Variants in TUT7 observed in about 807,000 individuals in gnomAD.
TUT7 encodes terminal uridylyl transferase 7.
In TUT7, 33 loss-of-function variants were observed where a neutral mutation model predicts 165.9. The observed-to-expected ratio is 0.20, with a 90% CI of 0.15 to 0.27. The LOEUF is 0.27. TUT7 is among the 10% of genes least tolerant of loss of function. The probability of loss-of-function intolerance (pLI) is 1.00; values close to 1 mark genes in which losing one functional copy is unlikely to be tolerated. For missense variants in TUT7, 1,338 were observed against 1,762.3 expected, an observed-to-expected ratio of 0.76 and a Z score of 4.31; for synonymous variants, 552 against 608.1, an observed-to-expected ratio of 0.91 and a Z score of 1.36.
chr9:86,312,551 G>A (rs1460130733), intron 17 of TUT7, among the ~76,000 whole-genome samples: 7 of 150,016 alleles, frequency 4.7e-5, no homozygotes, highest in Non-Finnish European at 3.0e-5. Context: ...GCCTCTGCCC[G>A]GCCGCCCCTA....
chr9:86,308,372 G>T, intron 22 of TUT7, 57 bp downstream of exon 22: 1 of 1,467,174 alleles, frequency 6.8e-7, no homozygotes. Context: ...GAAGAACAAT[G>T]TCCTTATAGT....
chr9:86,340,747 T>C (rs533938766), intron 7 of TUT7, among the ~76,000 whole-genome samples: 62 of 152,330 alleles, frequency 4.1e-4, no homozygotes, highest in Admixed American at 6.5e-4. Flanking sequence ...CATTTCTTAG[T>C]CACATCTAGG....
In TUT7 at chr9:86,353,234, A is replaced by G; in HGVS notation, c.-31-4T>C. On this transcript the variant is annotated splice_region_variant and splice_polypyrimidine_tract_variant and intron_variant, in intron 1 of 26. Transcript: ENST00000375963. Reference sequence around the variant, plus strand: ...CTTCAATTTTCTTACTTTGCACCTGAAAGAAGGTATTTTGGGGAAATATCA... The same window carrying G: ...CTTCAATTTTCTTACTTTGCACCTGGAAGAAGGTATTTTGGGGAAATATCA... 6.5e-7 allele frequency: 1 copy of G among 1,526,778 alleles called. No individual in the cohort carries two copies. The highest frequency in any genetic ancestry group is 1.3e-5 in the South Asian group (1 of 75,518). The allele number at this position is 1,526,778 out of a possible 1,614,324, so 94.6% of individuals were successfully genotyped here. A position where few individuals can be genotyped will look rare whatever the true frequency, so the allele number is the denominator to read the frequency against.
chr9:86,338,005 TAAC>T (rs564139051), intron 9 of TUT7, among the ~76,000 whole-genome samples: 72 of 152,108 alleles, frequency 4.7e-4, no homozygotes, highest in Non-Finnish European at 9.7e-4. Flanking sequence ...CTAATGGAAA[TAAC>T]AACTAAAAGG....
chr9:86,315,654 A>C (rs890038456), intron 17 of TUT7, among the ~76,000 whole-genome samples: 1 of 152,236 alleles, frequency 6.6e-6, no homozygotes, highest in Non-Finnish European at 1.5e-5. Context: ...AAACAAAACA[A>C]AACAAAACAA....
At chr9:86,296,561 G>A (rs1826339554) in intron 26 of TUT7, among the ~76,000 whole-genome samples, 1 of 152,210 alleles carries the variant, frequency 6.6e-6, no homozygotes, top group African/African-American at 2.4e-5. Context: ...GTAGGTATCA[G>A]GAGAGGAAAG....
rs1296783181 is a variant in TUT7, at chr9:86,325,340, T to C, written c.1783A>G (p.Ile595Val). 6.2e-7 allele frequency: 1 copy of C among 1,613,702 alleles called. No homozygotes were observed. Among genetic ancestry groups the C allele is most frequent in the African/African-American group, 1.3e-5 (1 of 74,924 alleles). ...GATAAACATTTTGAGATACCTTCAATGGCAATGCGCTTTTTGGGCCAATCC... is the reference window on the plus strand; with the variant it reads ...GATAAACATTTTGAGATACCTTCAACGGCAATGCGCTTTTTGGGCCAATCC... ...LKDWPKKRIA[I>V]EDPYSVKRNV... Residue 595 changes from isoleucine (I) to valine (V), a missense_variant, in exon 12 of 27, where the codon ATT (isoleucine) becomes GTT (valine). Physicochemically the swap from Ile to Val is conservative, Grantham distance 29. Around this residue, in one of 7 missense-constraint regions of TUT7, gnomAD observed 28 missense variants for 69.4 expected, o/e 0.40. Coordinates refer to ENST00000375963, the MANE Select transcript of TUT7 (RefSeq NM_024617.4).
chr9:86,307,104 C>T (rs2131336180), intron 22 of TUT7, among the ~76,000 whole-genome samples: 1 of 152,150 alleles, frequency 6.6e-6, no homozygotes. Flanking sequence ...AACCCCGTCT[C>T]TACTAAAAAT....
At chr9:86,344,874 T>C (rs200916457) in intron 5 of TUT7, 103 bp downstream of exon 5, 12 of 1,149,030 alleles carry the variant, frequency 1.0e-5, no homozygotes, top group East Asian at 5.3e-5. Context: ...AAGAGCTTCA[T>C]GACATGGTAA....
At chr9:86,344,779 C>T (rs1831611865) in intron 5 of TUT7, 198 bp downstream of exon 5, 4 of 528,646 alleles carry the variant, frequency 7.6e-6, no homozygotes, top group Non-Finnish European at 9.8e-6. Context: ...ATAATGGAAA[C>T]AGGTTTATAA....
intron 10 of TUT7, among the ~76,000 whole-genome samples, chr9:86,335,282 A>G (rs1445495763): frequency 6.6e-6 from 1 of 152,210 alleles, no homozygotes; most frequent in South Asian, 2.1e-4. Flanking sequence ...TTTTTCTACT[A>G]TATTACCTGG....
In TUT7 at chr9:86,349,088, G is replaced by A. The variant is rs376947896; in HGVS notation, c.521-2608C>T. Among the ~76,000 whole-genome samples the A allele has an allele frequency of 2.8e-4, 42 of 152,164 alleles. No individual in the cohort carries two copies. The East Asian group carries it at 6.8e-3, about 25-fold the overall frequency. On this transcript the variant is annotated intron_variant, in intron 2 of 26. Coordinates refer to ENST00000375963, the MANE Select transcript of TUT7 (RefSeq NM_024617.4). The stretch of plus-strand genomic sequence containing the variant: ...GAGGTCGGGAGTTCGAGACCATCCT[G>A]GCCAACATGGTGAAACCCTGTCTCT...
intron 10 of TUT7, 107 bp downstream of exon 10, chr9:86,337,312 C>T (rs927709649): frequency 8.4e-7 from 1 of 1,193,760 alleles, no homozygotes; most frequent in Non-Finnish European, 1.2e-6. Flanking sequence ...ATAAATAAAT[C>T]CATGTCAGTT....
At chr9:86,335,895 T>C (rs1040708785) in intron 10 of TUT7, among the ~76,000 whole-genome samples, 2 of 152,154 alleles carry the variant, frequency 1.3e-5, no homozygotes, top group Non-Finnish European at 2.9e-5. Context: ...TGAACAAACA[T>C]GATCCAATCA....
intron 5 of TUT7, among the ~76,000 whole-genome samples, chr9:86,343,650 A>G (rs927652022): frequency 6.6e-6 from 1 of 152,174 alleles, no homozygotes; most frequent in African/African-American, 2.4e-5. Flanking sequence ...AAACAATAAT[A>G]AAAATAATCT....
intron 13 of TUT7, 149 bp from the exon 14 acceptor site, chr9:86,322,624 G>T: frequency 9.4e-7 from 1 of 1,062,110 alleles, no homozygotes; most frequent in Non-Finnish European, 1.3e-6. Flanking sequence ...TGATCTGAGA[G>T]ATGGGGACAT....
rs1831897058 is a variant in TUT7 at position 86,347,710 on chromosome 9, T to TC, written c.521-1231_521-1230insG. Among the ~76,000 whole-genome samples, 3 of 152,150 alleles carry TC rather than the reference T, an allele frequency of 2.0e-5. No homozygotes were observed. In the East Asian group the frequency reaches 5.8e-4, roughly 29 times the overall value. ...AAATTAAAGTGTTGGAAAAGTAGTT[T>TC]TAAAAAATCAATCAAAATACACTGA... On this transcript the variant is annotated intron_variant, in intron 2 of 26. Coordinates refer to ENST00000375963, the MANE Select transcript of TUT7 (RefSeq NM_024617.4).
Position 86,301,489 on chromosome 9 carries a change from C to A in TUT7, c.4207G>T (p.Val1403Leu). 1 of 1,614,040 alleles carries A rather than the reference C, an allele frequency of 6.2e-7. No individual in the cohort carries two copies. Among genetic ancestry groups the A allele is most frequent in the South Asian group, 1.1e-5 (1 of 91,080 alleles). Reference sequence around the variant, plus strand: ...ATGGGCTTATCTTCTTTTGTTGACACCTCCCTTTCTGTGTACTTGTTGTGA... The same window carrying A: ...ATGGGCTTATCTTCTTTTGTTGACAACTCCCTTTCTGTGTACTTGTTGTGA... Reference protein sequence around the residue: ...EIHNKYTEREVSTKEDKPIQC... With the variant: ...EIHNKYTERELSTKEDKPIQC... Residue 1403 changes from valine to leucine, a missense_variant, in exon 26 of 27, where the codon GTG (valine) becomes TTG (leucine). Val to Leu is a conservative substitution (Grantham distance 32). Around this residue, in one of 7 missense-constraint regions of TUT7, gnomAD observed 167 missense variants for 204.9 expected, o/e 0.82. Coordinates refer to ENST00000375963, the MANE Select transcript of TUT7 (RefSeq NM_024617.4).
At chr9:86,333,523 T>C (rs781546445) in intron 10 of TUT7, among the ~76,000 whole-genome samples, 1 of 152,238 alleles carries the variant, frequency 6.6e-6, no homozygotes, top group Non-Finnish European at 1.5e-5. Flanking sequence ...AAAGGCATTG[T>C]TCATTTCTGT....
Sources: gnomAD v4.1 joint callset for allele counts (sites outside exome capture counted in the v4.1 genomes callset) on GRCh38, gnomAD v4.1.1 for gene constraint, gnomAD v4.1.1 regional missense constraint, MANE v1.5 for transcripts, NCBI Gene and HGNC (gene_info 2026-07-23, HGNC 2026-07-21) for gene names.